Variants in LRRFIP1 observed in about 807,000 individuals in gnomAD.
The protein encoded by LRRFIP1 is LRR binding FLII interacting protein 1, also known as leucine-rich repeat flightless-interacting protein 1.
A neutral mutation model predicts 104.4 loss-of-function variants in LRRFIP1; 62 were observed. The observed-to-expected ratio is 0.59, with a 90% CI of 0.48 to 0.73. LRRFIP1 has a LOEUF of 0.73. Ranked by LOEUF, LRRFIP1 falls within the 30% of genes least tolerant of loss-of-function variation. The pLI is 0.00. For synonymous variants in LRRFIP1, 300 were observed against 299.0 expected (o/e 1.00, Z -0.03); for missense variants, 796 against 824.5 (o/e 0.97, Z 0.42).
At chr2:237,700,567 C>T (rs1312020703) in intron 1 of LRRFIP1, among the ~76,000 whole-genome samples, 1 of 152,218 alleles carries the variant, frequency 6.6e-6, no homozygotes, top group Non-Finnish European at 1.5e-5. Context: ...AATAGGAGAA[C>T]TTCCTCCTGT....
chr2:237,749,386 TTAAAA>T, intron 13 of LRRFIP1, 62 bp downstream of exon 13: 1 of 1,552,988 alleles, frequency 6.4e-7, no homozygotes, highest in African/African-American at 1.4e-5. Context: ...AGTCTTTAGA[TTAAAA>T]AAAAAAAAGT....
chr2:237,729,795 G>C (rs998242117), intron 8 of LRRFIP1: 1 of 985,280 alleles, frequency 1.0e-6, no homozygotes, highest in Non-Finnish European at 1.2e-6. Context: ...CAGCTACAGC[G>C]GTGACAGCAG....
chr2:237,683,209 G>T (rs1267574007), intron 1 of LRRFIP1, among the ~76,000 whole-genome samples: 1 of 152,192 alleles, frequency 6.6e-6, no homozygotes, highest in Non-Finnish European at 1.5e-5. Context: ...GGAGACAAGG[G>T]GCGAGGGCTT....
intron 11 of LRRFIP1, among the ~76,000 whole-genome samples, chr2:237,739,639 T>G (rs1197689721): frequency 6.6e-6 from 1 of 152,232 alleles, no homozygotes; most frequent in Non-Finnish European, 1.5e-5. Context: ...CGACAGTGTT[T>G]AAGGTAAAGC....
At chr2:237,673,321 A>G (rs1045234612) in intron 1 of LRRFIP1, among the ~76,000 whole-genome samples, 1 of 152,242 alleles carries the variant, frequency 6.6e-6, no homozygotes, top group Non-Finnish European at 1.5e-5. Context: ...GCAGGATGCC[A>G]GGGCCTCGCC....
At chr2:237,692,283 C>G (rs1454596847) in intron 1 of LRRFIP1, 5 of 1,179,442 alleles carry the variant, frequency 4.2e-6, no homozygotes, top group South Asian at 4.3e-5. Flanking sequence ...CCCAGCGCCG[C>G]GAGCCGCTCC....
intron 20 of LRRFIP1, among the ~76,000 whole-genome samples, chr2:237,770,955 G>A (rs1014997659): frequency 6.8e-6 from 1 of 145,992 alleles, no homozygotes; most frequent in African/African-American, 2.8e-5. Context: ...CCGAAAATTG[G>A]AGAAAGCACT....
At chr2:237,685,328 G>A (rs145756311) in intron 1 of LRRFIP1, among the ~76,000 whole-genome samples, 22 of 152,278 alleles carry the variant, frequency 1.4e-4, no homozygotes, top group Non-Finnish European at 2.9e-4. Flanking sequence ...TTTGAGATGA[G>A]TTTAATTCCA....
At chr2:237,713,600 A>G (rs1431267990) in intron 2 of LRRFIP1, among the ~76,000 whole-genome samples, 1 of 152,222 alleles carries the variant, frequency 6.6e-6, no homozygotes, top group Non-Finnish European at 1.5e-5. Context: ...AGTGCCTTCA[A>G]TAATGCCTGA....
Position 237,753,479 on chromosome 2 carries a change from A to G in LRRFIP1, c.1038A>G (p.Lys346=). 2 of 1,583,874 alleles carry G rather than the reference A, an allele frequency of 1.3e-6. No individual in the cohort carries two copies. The highest frequency in any genetic ancestry group is 1.7e-6 in the Non-Finnish European group (2 of 1,171,978). ...GGCGGCAGTACGAAGAGAAAAACAAAGTAAGCATTAGTATGATACAGAATG... is the reference window on the plus strand; with the variant it reads ...GGCGGCAGTACGAAGAGAAAAACAAGGTAAGCATTAGTATGATACAGAATG... ...ESRRQYEEKN[K]EFEREKHAHS... The change falls in exon 15 of 24, where the codon AAA becomes AAG. Residue 346 remains lysine, a splice_region_variant and synonymous_variant. Transcript: ENST00000308482.
In LRRFIP1 at chr2:237,711,786, A is replaced by G. The variant is rs1177456055; in HGVS notation, c.184-2473A>G. On this transcript the variant is annotated intron_variant, in intron 2 of 23. Transcript: ENST00000308482. This position sits in a 1 kb window ranked among gnomAD's most constrained non-coding sequence, Gnocchi z 4.4. The stretch of plus-strand genomic sequence containing the variant: ...TGAGGACACCGAGTGAAGCAGCTCT[A>G]CCGGGGGGTGGGGAAGCCACTCCTT... Among the ~76,000 whole-genome samples, 2 of 152,022 alleles carry G rather than the reference A, an allele frequency of 1.3e-5. No homozygotes were observed. The highest frequency in any genetic ancestry group is 2.9e-5 in the Non-Finnish European group (2 of 68,006).
intron 2 of LRRFIP1, among the ~76,000 whole-genome samples, chr2:237,709,829 C>T (rs2093984959): frequency 6.6e-6 from 1 of 151,944 alleles, no homozygotes; most frequent in Non-Finnish European, 1.5e-5. Context: ...TTATTCTGAA[C>T]TGGTTTTTAA....
chr2:237,701,409 C>A (rs972523768), intron 1 of LRRFIP1, among the ~76,000 whole-genome samples: 1 of 152,238 alleles, frequency 6.6e-6, no homozygotes, highest in South Asian at 2.1e-4. Context: ...TGAGGCCATG[C>A]GAGGATGGAA....
At chr2:237,676,812 GTT>G (rs981567865) in intron 1 of LRRFIP1, among the ~76,000 whole-genome samples, 1 of 152,160 alleles carries the variant, frequency 6.6e-6, no homozygotes, top group Non-Finnish European at 1.5e-5. Context: ...CCAGGAGATG[GTT>G]TTAAAACAGA....
intron 8 of LRRFIP1, 96 bp from the exon 9 acceptor site, chr2:237,733,678 A>G (rs148008266): frequency 2.4e-5 from 29 of 1,211,832 alleles, no homozygotes; most frequent in African/African-American, 1.8e-4. Flanking sequence ...GCAGTTGGCT[A>G]TGGTGAATGC....
intron 1 of LRRFIP1, among the ~76,000 whole-genome samples, chr2:237,640,322 GA>G (rs964031545): frequency 6.6e-6 from 1 of 152,030 alleles, no homozygotes; most frequent in African/African-American, 2.4e-5. Context: ...TCTATAACAA[GA>G]TACCACAGAC....
chr2:237,725,673 C>T (rs2094717434), intron 7 of LRRFIP1, among the ~76,000 whole-genome samples: 1 of 152,194 alleles, frequency 6.6e-6, no homozygotes, highest in Admixed American at 6.5e-5. Context: ...ATTCCATTAC[C>T]ACAGACCTGG....
chr2:237,666,992 T>C (rs914333075), intron 1 of LRRFIP1, among the ~76,000 whole-genome samples: 3 of 151,812 alleles, frequency 2.0e-5, no homozygotes, highest in Admixed American at 2.0e-4. Context: ...CACAAAGCAT[T>C]TTCACAGATA....
intron 1 of LRRFIP1, among the ~76,000 whole-genome samples, chr2:237,681,675 A>ATTTTTTTTTTT (rs1359912875): frequency 2.2e-4 from 12 of 54,634 alleles, no homozygotes; most frequent in Non-Finnish European, 3.3e-4. Flanking sequence ...CCGCAGTCCT[A>ATTTTTTTTTTT]TTCTTTTTTT....
Sources: gnomAD v4.1 joint callset for allele counts (sites outside exome capture counted in the v4.1 genomes callset) on GRCh38, gnomAD v4.1.1 for gene constraint, Gnocchi (gnomAD v3.1) non-coding constraint, MANE v1.5 for transcripts, NCBI Gene and HGNC (gene_info 2026-07-23, HGNC 2026-07-21) for gene names.